Variants in BAIAP2L1 observed in about 807,000 individuals in gnomAD.
BAIAP2L1 encodes BAR/IMD domain containing adaptor protein 2 like 1.
A neutral mutation model predicts 66.3 loss-of-function variants in BAIAP2L1; 35 were observed. The observed-to-expected ratio is 0.53, with a 90% CI of 0.40 to 0.70. BAIAP2L1 has a LOEUF of 0.70. Ranked by LOEUF, BAIAP2L1 falls within the 30% of genes least tolerant of loss-of-function variation. The pLI, the probability that BAIAP2L1 is intolerant of heterozygous loss-of-function variation, is 0.00. For synonymous variants in BAIAP2L1, 269 were observed against 248.7 expected (o/e 1.08, Z -0.77); for missense variants, 622 against 656.9 (o/e 0.95, Z 0.58).
At chr7:98,367,176 T>C (rs906376578) in intron 1 of BAIAP2L1, among the ~76,000 whole-genome samples, 18 of 152,108 alleles carry the variant, frequency 1.2e-4, no homozygotes, top group African/African-American at 4.3e-4. Context: ...TTTGAAATAG[T>C]TTAAGACTCA....
intron 11 of BAIAP2L1, among the ~76,000 whole-genome samples, chr7:98,305,017 C>T (rs998319689): frequency 6.6e-6 from 1 of 150,818 alleles, no homozygotes; most frequent in African/African-American, 2.4e-5. Context: ...AGGCGCCTGC[C>T]ACCACGCCCA....
rs553564636 is a variant in BAIAP2L1 at position 98,389,568 on chromosome 7, G to A, written c.51+11234C>T. Among the ~76,000 whole-genome samples, 57 of 152,144 alleles carry A rather than the reference G, an allele frequency of 3.7e-4. 1 individual carries two copies. The Middle Eastern group carries it at 0.01, about 27-fold the overall frequency. On this transcript the variant is annotated intron_variant, in intron 1 of 13. Transcript: ENST00000005260. ...ACTCCTGACCTCAGGTGATCCGCCC[G>A]TGTCAGCCTCCGAAACTGCTGGGAT...
At position 98,355,058 on chromosome 7, in the gene BAIAP2L1, G is replaced by A. The variant is rs1802089040; in HGVS notation, c.198C>T (p.Pro66=). The change falls in exon 3 of 14, where the codon CCC becomes CCT. Residue 66 remains proline (P), a synonymous_variant. Transcript: ENST00000005260. The part of the protein sequence containing the change: ...AKIGEIATGS[P]VSTELGHVLI... ...ATCGCTCACCCAGTTCAGTTGACAC[G>A]GGGGACCCAGTGGCAATCTCACCGA... is the stretch of plus-strand genomic sequence containing the variant. 8 of 1,613,180 alleles carry A rather than the reference G, an allele frequency of 5.0e-6. No individual in the cohort carries two copies. Among genetic ancestry groups the A allele is most frequent in the East Asian group, 2.2e-5 (1 of 44,866 alleles).
intron 3 of BAIAP2L1, among the ~76,000 whole-genome samples, chr7:98,338,593 T>C (rs1801664957): frequency 6.6e-6 from 1 of 152,228 alleles, no homozygotes; most frequent in South Asian, 2.1e-4. Context: ...AATAGCCTTT[T>C]TATCTGGCTT....
At position 98,347,442 on chromosome 7, in the gene BAIAP2L1, C is replaced by T. The variant is rs1328802830; in HGVS notation, c.214+7600G>A. The stretch of plus-strand genomic sequence containing the variant: ...GATGCCATTACCATGCAAAACAGGG[C>T]TGCCTGTTTTTAAAATTAGTGAGTT... On this transcript the variant is annotated intron_variant, in intron 3 of 13. Transcript: ENST00000005260. 2.6e-5 allele frequency among the ~76,000 whole-genome samples: 4 copies of T among 152,114 alleles called. No individual in the cohort carries two copies. In the South Asian group the frequency reaches 8.3e-4, roughly 32 times the overall value.
chr7:98,366,135 G>C (rs1242375936), intron 1 of BAIAP2L1, among the ~76,000 whole-genome samples: 1 of 152,084 alleles, frequency 6.6e-6, no homozygotes, highest in Non-Finnish European at 1.5e-5. Flanking sequence ...CATTGGGTGG[G>C]GGACAATCAT....
chr7:98,357,047 ATATTTTTTT>A (rs1479223180), intron 2 of BAIAP2L1, among the ~76,000 whole-genome samples: 26 of 16,474 alleles, frequency 1.6e-3, no homozygotes, highest in Non-Finnish European at 2.2e-3. Context: ...ATATATATAT[ATATTTTTTT>A]TTTTTTTTTT....
At chr7:98,392,436 T>G (rs777661728) in intron 1 of BAIAP2L1, among the ~76,000 whole-genome samples, 28 of 152,326 alleles carry the variant, frequency 1.8e-4, no homozygotes, top group Admixed American at 3.3e-4. Flanking sequence ...GCATGCTTTC[T>G]GGAGGGCATT....
In BAIAP2L1 at chr7:98,295,140, C is replaced by T. The variant is rs574756396; in HGVS notation, c.1423-1029G>A. 2.6e-5 allele frequency among the ~76,000 whole-genome samples: 4 copies of T among 152,366 alleles called. No homozygotes were observed. The East Asian group carries it at 7.7e-4, about 29-fold the overall frequency. ...AAGATTGACTTAGGGGAGGCCCTCT[C>T]ATGCCCGATGCCAGCGCTAGAGCGC... On this transcript the variant is annotated intron_variant, in intron 12 of 13. Coordinates refer to ENST00000005260, the MANE Select transcript of BAIAP2L1 (RefSeq NM_018842.5).
chr7:98,311,402 G>A (rs1478537212), intron 8 of BAIAP2L1, among the ~76,000 whole-genome samples: 1 of 151,892 alleles, frequency 6.6e-6, no homozygotes, highest in African/African-American at 2.4e-5. Flanking sequence ...AAATTAGCCA[G>A]GCATGGTGGC....
In BAIAP2L1 at chr7:98,304,226, G is replaced by A. The variant is rs528998595; in HGVS notation, c.1392C>T (p.Ala464=). The part of the protein sequence containing the change: ...DSARTTSTFK[A]PASKPETAAP... ...CCGCGGTCTCGGGCTTGGACGCTGG[G>A]GCCTTAAAGGTGGATGTCGTCCTGG... is the stretch of plus-strand genomic sequence containing the variant. Residue 464 remains alanine (A), a synonymous_variant, in exon 12 of 14, where the codon GCC becomes GCT. Coordinates refer to ENST00000005260, the MANE Select transcript of BAIAP2L1 (RefSeq NM_018842.5). 5 of 1,610,636 alleles carry A rather than the reference G, an allele frequency of 3.1e-6. No homozygotes were observed. The South Asian group carries it at 3.3e-5, about 11-fold the overall frequency.
chr7:98,304,268 G>GT lies in BAIAP2L1; in HGVS notation c.1349dup (p.Asp450GlufsTer14). On this transcript the variant is annotated frameshift_variant, in exon 12 of 14. Transcript: ENST00000005260. LOFTEE classifies it high-confidence loss of function. ...TCGTCCTGGCCGAATCTGCTCTCCTGTCGGCAGCTGCCCCCATGGACAAGC... is the reference window on the plus strand; with the variant it reads ...TCGTCCTGGCCGAATCTGCTCTCCTGTTCGGCAGCTGCCCCCATGGACAAGC... 6.2e-7 allele frequency: 1 copy of GT among 1,613,668 alleles called. No individual in the cohort carries two copies.
chr7:98,373,673 A>G (rs1238653595), intron 1 of BAIAP2L1, among the ~76,000 whole-genome samples: 1 of 152,208 alleles, frequency 6.6e-6, no homozygotes, highest in Non-Finnish European at 1.5e-5. Flanking sequence ...AGTGCTTATC[A>G]TGTACTCTGC....
intron 12 of BAIAP2L1, among the ~76,000 whole-genome samples, chr7:98,297,157 G>A (rs1258634883): frequency 6.6e-6 from 1 of 152,238 alleles, no homozygotes; most frequent in Non-Finnish European, 1.5e-5. Context: ...CCAAGCGGCT[G>A]ACTGCGGCCA....
intron 3 of BAIAP2L1, 86 bp from the exon 4 acceptor site, chr7:98,320,384 G>T: frequency 2.0e-6 from 2 of 1,014,804 alleles, no homozygotes; most frequent in East Asian, 2.5e-5. Flanking sequence ...CGCCCAGGCT[G>T]GAGTGCAAAG....
At chr7:98,360,332 C>T (rs1308163031) in intron 2 of BAIAP2L1, among the ~76,000 whole-genome samples, 7 of 152,152 alleles carry the variant, frequency 4.6e-5, no homozygotes, top group African/African-American at 1.7e-4. Flanking sequence ...CACGAGCCAC[C>T]ACGCCCAGCC....
intron 7 of BAIAP2L1, among the ~76,000 whole-genome samples, chr7:98,313,320 C>T (rs1314966204): frequency 2.0e-5 from 3 of 152,126 alleles, no homozygotes; most frequent in Non-Finnish European, 4.4e-5. Context: ...CAGATTTGGT[C>T]TGCGTCACTC....
chr7:98,377,712 G>A (rs1802665913), intron 1 of BAIAP2L1, among the ~76,000 whole-genome samples: 1 of 150,884 alleles, frequency 6.6e-6, no homozygotes, highest in African/African-American at 2.4e-5. Flanking sequence ...CAGCTACTCA[G>A]GAGGCTGAGG....
At chr7:98,308,114 G>A (rs185943742) in intron 9 of BAIAP2L1, 30 of 672,880 alleles carry the variant, frequency 4.5e-5, no homozygotes, top group African/African-American at 4.2e-4. Context: ...GGCATGCACC[G>A]TGCAGAAGAG....
Sources: gnomAD v4.1 joint callset for allele counts (sites outside exome capture counted in the v4.1 genomes callset) on GRCh38, gnomAD v4.1.1 for gene constraint, MANE v1.5 for transcripts, NCBI Gene and HGNC (gene_info 2026-07-23, HGNC 2026-07-21) for gene names.